Variants in SNRK observed in about 807,000 individuals in gnomAD.
The protein encoded by SNRK is SNF related kinase.
In SNRK, 3 loss-of-function variants were observed where a neutral mutation model predicts 48.2. That is an observed-to-expected ratio of 0.06 (90% confidence interval 0.03 to 0.16). The LOEUF (loss-of-function observed/expected upper bound fraction) is 0.16, where lower values mean the gene tolerates loss of function less well. SNRK is among the 10% of genes least tolerant of loss of function. The probability of loss-of-function intolerance (pLI) is 1.00; values close to 1 mark genes in which losing one functional copy is unlikely to be tolerated. For missense variants in SNRK, 627 were observed against 976.0 expected (o/e 0.64, Z 4.76); for synonymous variants, 376 against 366.1 (o/e 1.03, Z -0.31).
At chr3:43,339,486 GC>G (rs1247346729) in intron 4 of SNRK, among the ~76,000 whole-genome samples, 3 of 152,000 alleles carry the variant, frequency 2.0e-5, no homozygotes, top group African/African-American at 7.3e-5. Context: ...TATTTATTCT[GC>G]TAAAATGGTG....
chr3:43,318,894 AGCGCAT>A (rs1170369833), intron 3 of SNRK, among the ~76,000 whole-genome samples: 1 of 152,084 alleles, frequency 6.6e-6, no homozygotes, highest in Non-Finnish European at 1.5e-5. Flanking sequence ...CAGGCGTGGT[AGCGCAT>A]GCATGTACTC....
intron 4 of SNRK, among the ~76,000 whole-genome samples, chr3:43,338,160 A>G (rs2091205773): frequency 6.6e-6 from 1 of 152,270 alleles, no homozygotes; most frequent in African/African-American, 2.4e-5. Flanking sequence ...CATTCTACAC[A>G]GTTAAAAATT....
chr3:43,307,234 ATG>A (rs2090944495), intron 3 of SNRK, among the ~76,000 whole-genome samples: 2 of 152,340 alleles, frequency 1.3e-5, no homozygotes, highest in Middle Eastern at 3.4e-3. Flanking sequence ...TATATTTTAC[ATG>A]ATGAGTTATA....
intron 1 of SNRK, among the ~76,000 whole-genome samples, chr3:43,297,895 G>A (rs1470642560): frequency 6.6e-6 from 1 of 152,054 alleles, no homozygotes; most frequent in African/African-American, 2.4e-5. Context: ...TTAGGAAACT[G>A]AACAGCAGTT....
rs2090909648 is a variant in SNRK at position 43,303,001 on chromosome 3, T to A, written c.-106-97T>A. Reference sequence around the variant, plus strand: ...TTTATCTCAATTTATTTTCTTCAAGTTTCTCTTAAAATGAAAAAAACAAAA... The same window carrying A: ...TTTATCTCAATTTATTTTCTTCAAGATTCTCTTAAAATGAAAAAAACAAAA... On this transcript the variant is annotated intron_variant, in intron 2 of 6. Transcript: ENST00000296088. The surrounding 1 kb of genome is among the most constrained non-coding windows in gnomAD (Gnocchi z 6.2). 2 of 450,478 alleles carry A rather than the reference T, an allele frequency of 4.4e-6. No homozygotes were observed. The highest frequency in any genetic ancestry group is 7.7e-5 in the Admixed American group (2 of 25,962). 27.9% of individuals were successfully genotyped at this position (450,478 alleles called of 1,614,324 possible).
Position 43,339,440 on chromosome 3 carries a change from T to G in SNRK, c.732-847T>G, listed in dbSNP as rs1054101005. On this transcript the variant is annotated intron_variant, in intron 4 of 6. Coordinates refer to ENST00000296088, the MANE Select transcript of SNRK (RefSeq NM_017719.5). ...GCTTTGTCATTCATTTCGTAAGGGT[T>G]CTGTTTTACTTCATTTTTAGTTGCT... Among the ~76,000 whole-genome samples the G allele has an allele frequency of 9.8e-5, 15 of 152,306 alleles. No homozygotes were observed. In the South Asian group the frequency reaches 2.7e-3, roughly 27 times the overall value.
intron 1 of SNRK, among the ~76,000 whole-genome samples, chr3:43,291,130 A>T (rs2090808994): frequency 6.6e-6 from 1 of 152,104 alleles, no homozygotes; most frequent in African/African-American, 2.4e-5. Context: ...GAAATTGATG[A>T]ATTATATGGA....
intron 3 of SNRK, among the ~76,000 whole-genome samples, chr3:43,322,096 G>A (rs2091058136): frequency 6.6e-6 from 1 of 152,238 alleles, no homozygotes; most frequent in Non-Finnish European, 1.5e-5. Flanking sequence ...TGCCCCCAGG[G>A]GCACTGCTGT....
intron 1 of SNRK, among the ~76,000 whole-genome samples, chr3:43,298,749 A>G (rs769924036): frequency 2.6e-5 from 4 of 152,238 alleles, no homozygotes; most frequent in African/African-American, 9.6e-5. Flanking sequence ...CTGCAAGGCT[A>G]CCTTGGTCAG....
In SNRK at chr3:43,347,985, A is replaced by G. The variant is rs1350242857; in HGVS notation, c.1726A>G (p.Ser576Gly). 1.9e-6 allele frequency: 3 copies of G among 1,613,870 alleles called. No individual in the cohort carries two copies. Among genetic ancestry groups the G allele is most frequent in the Non-Finnish European group, 1.7e-6 (2 of 1,179,944 alleles). The change falls in exon 7 of 7, where the codon AGT (serine) becomes GGT (glycine). Residue 576 changes from serine (S) to glycine (G), a missense_variant. By Grantham distance (56) the Ser-to-Gly change is moderately conservative. Coordinates refer to ENST00000296088, the MANE Select transcript of SNRK (RefSeq NM_017719.5). This position sits in a 1 kb window ranked among gnomAD's most constrained non-coding sequence, Gnocchi z 5.4. ...GGATAGCAGCGAGGGGCCCCCTGGC[A>G]GTGAGGGGGATGGCGGGGGCCAGAG... ...RRDSSEGPPG[S>G]EGDGGGQSKP...
intron 1 of SNRK, among the ~76,000 whole-genome samples, chr3:43,290,208 G>A (rs1008392393): frequency 1.3e-5 from 2 of 151,998 alleles, no homozygotes; most frequent in African/African-American, 2.4e-5. Flanking sequence ...AAGTAATGCC[G>A]GGTACATAGT....
chr3:43,348,089 CGGCTCGGGT>C lies in SNRK; in HGVS notation c.1834_1842del (p.Ser612_Gly614del), dbSNP rs774084185. Reference sequence around the variant, plus strand: ...ATGCTGGTGGGGGCAGTCCCTCCAGCGGCTCGGGTGGCAACCCCACCAATACATCGGGTA... The same window carrying C: ...ATGCTGGTGGGGGCAGTCCCTCCAGCGGCAACCCCACCAATACATCGGGTA... On this transcript the variant is annotated inframe_deletion, in exon 7 of 7. Transcript: ENST00000296088. 1 of 1,589,854 alleles carries C rather than the reference CGGCTCGGGT, an allele frequency of 6.3e-7. No individual in the cohort carries two copies. The highest frequency in any genetic ancestry group is 8.6e-7 in the Non-Finnish European group (1 of 1,168,370).
chr3:43,336,320 G>A (rs1329412524), intron 4 of SNRK, among the ~76,000 whole-genome samples: 1 of 127,786 alleles, frequency 7.8e-6, no homozygotes, highest in African/African-American at 2.8e-5. Context: ...CCCTCTGTCC[G>A]CCTTCCCTCC....
chr3:43,329,295 G>C (rs953353934), intron 3 of SNRK, among the ~76,000 whole-genome samples: 2 of 152,080 alleles, frequency 1.3e-5, no homozygotes, highest in Non-Finnish European at 2.9e-5. Context: ...AAAATTAGCC[G>C]GGTGTGGTGG....
chr3:43,298,125 C>G (rs192921784), intron 1 of SNRK, among the ~76,000 whole-genome samples: 123 of 152,232 alleles, frequency 8.1e-4, no homozygotes, highest in Non-Finnish European at 1.3e-3. Flanking sequence ...TCGTTTGATC[C>G]TCACCATATC....
At chr3:43,336,711 C>G (rs2091191757) in intron 4 of SNRK, among the ~76,000 whole-genome samples, 1 of 151,732 alleles carries the variant, frequency 6.6e-6, no homozygotes, top group Admixed American at 6.6e-5. Context: ...AGTGATTTTT[C>G]TACCTGTTTT....
chr3:43,322,052 T>C (rs1348599983), intron 3 of SNRK, among the ~76,000 whole-genome samples: 3 of 152,246 alleles, frequency 2.0e-5, no homozygotes, highest in Admixed American at 6.5e-5. Flanking sequence ...TACATATCAG[T>C]GTCTGCTTTG....
At chr3:43,329,972 A>G (rs1361490047) in intron 3 of SNRK, among the ~76,000 whole-genome samples, 1 of 152,224 alleles carries the variant, frequency 6.6e-6, no homozygotes, top group Non-Finnish European at 1.5e-5. Context: ...TTTGGCATGG[A>G]CAAGAGGTAA....
intron 3 of SNRK, among the ~76,000 whole-genome samples, chr3:43,323,851 T>C (rs1272461308): frequency 6.6e-6 from 1 of 152,092 alleles, no homozygotes; most frequent in African/African-American, 2.4e-5. Flanking sequence ...AAACAGAGAC[T>C]ACGTACTCTG....
Sources: allele counts gnomAD v4.1 joint callset (sites outside exome capture counted in the v4.1 genomes callset), GRCh38; gene constraint gnomAD v4.1.1; non-coding constraint Gnocchi (gnomAD v3.1); transcripts MANE v1.5; gene names NCBI Gene and HGNC (gene_info 2026-07-23, HGNC 2026-07-21).